Variants in SLC2A1 observed in about 807,000 individuals in gnomAD.
The protein encoded by SLC2A1 is solute carrier family 2, facilitated glucose transporter member 1.
SLC2A1 carries 4 observed loss-of-function variants against 46.6 expected under a neutral mutation model. The observed-to-expected ratio is 0.09, with a 90% CI of 0.04 to 0.20. SLC2A1 has a LOEUF of 0.20. Among genes scored for constraint, SLC2A1 ranks in the 10% least tolerant of loss-of-function variants. The pLI, the probability that SLC2A1 is intolerant of heterozygous loss-of-function variation, is 1.00. For missense variants in SLC2A1, 352 were observed against 667.0 expected (o/e 0.53, Z 5.20); for synonymous variants, 253 against 270.0 (o/e 0.94, Z 0.62).
intron 1 of SLC2A1, among the ~76,000 whole-genome samples, chr1:42,950,223 T>C (rs974932655): frequency 2.0e-5 from 3 of 152,260 alleles, no homozygotes; most frequent in African/African-American, 4.8e-5. Context: ...ACAGCCACAC[T>C]CATTTGTCTA....
In SLC2A1 at chr1:42,927,599, T is replaced by A. The variant is rs768317196; in HGVS notation, c.1278+6A>T. ...GGGTGAGTATAGAGACAGTGGGGGT[T>A]CTCACCTCCACATACTGGAAGCACA... On this transcript the variant is annotated splice_donor_region_variant and intron_variant, in intron 9 of 9. Transcript: ENST00000426263. This position sits in a 1 kb window ranked among gnomAD's most constrained non-coding sequence, Gnocchi z 5.3. The A allele has an allele frequency of 6.3e-7, 1 of 1,588,830 alleles. No individual in the cohort carries two copies. Among genetic ancestry groups the A allele is most frequent in the African/African-American group, 1.4e-5 (1 of 72,082 alleles).
intron 2 of SLC2A1, among the ~76,000 whole-genome samples, chr1:42,934,474 G>T (rs1643522506): frequency 6.6e-6 from 1 of 152,152 alleles, no homozygotes; most frequent in Non-Finnish European, 1.5e-5. Flanking sequence ...GCTGGTTCCG[G>T]TGCTCTGTGC....
intron 1 of SLC2A1, among the ~76,000 whole-genome samples, chr1:42,957,247 T>TA (rs1321270757): frequency 6.6e-6 from 1 of 152,214 alleles, no homozygotes; most frequent in African/African-American, 2.4e-5. Flanking sequence ...ATCCCACCCT[T>TA]ACGGCTCACC....
intron 2 of SLC2A1, among the ~76,000 whole-genome samples, chr1:42,933,527 C>T (rs1414762373): frequency 2.0e-5 from 3 of 152,178 alleles, no homozygotes; most frequent in Non-Finnish European, 4.4e-5. Flanking sequence ...AGGTGTTAGG[C>T]TCTCCTCTTA....
chr1:42,948,985 T>G (rs71654266), intron 1 of SLC2A1, among the ~76,000 whole-genome samples: 21,930 of 150,492 alleles, frequency 0.15, 1,791 homozygotes, highest in South Asian at 0.19. Flanking sequence ...GGAGAATGGC[T>G]TGAACCCAGG....
chr1:42,933,277 C>A (rs1371496187), intron 2 of SLC2A1, among the ~76,000 whole-genome samples: 1 of 152,220 alleles, frequency 6.6e-6, no homozygotes, highest in Non-Finnish European at 1.5e-5. Flanking sequence ...TCAATCCAAT[C>A]TCCCTACCTA....
chr1:42,938,303 G>C (rs572162925), intron 2 of SLC2A1, among the ~76,000 whole-genome samples: 2 of 152,200 alleles, frequency 1.3e-5, no homozygotes, highest in Non-Finnish European at 2.9e-5. Flanking sequence ...GGCAGGGGCA[G>C]TGTGCAGAGC....
At chr1:42,931,645 G>A (rs913617027) in intron 2 of SLC2A1, among the ~76,000 whole-genome samples, 1 of 151,858 alleles carries the variant, frequency 6.6e-6, no homozygotes, top group African/African-American at 2.4e-5. Flanking sequence ...GACCAACATG[G>A]TGAAACCCTA....
At chr1:42,947,877 T>A (rs1391062718) in intron 1 of SLC2A1, among the ~76,000 whole-genome samples, 1 of 152,106 alleles carries the variant, frequency 6.6e-6, no homozygotes, top group East Asian at 1.9e-4. Context: ...CCAGTGTTCA[T>A]CCTTAGCCAT....
At position 42,931,191 on chromosome 1, in the gene SLC2A1, A is replaced by G. The variant is rs375881934; in HGVS notation, c.130T>C (p.Tyr44His). 3 of 1,613,838 alleles carry G rather than the reference A, an allele frequency of 1.9e-6. No homozygotes were observed. The African/African-American group carries it at 4.0e-5, about 22-fold the overall frequency. The change falls in exon 3 of 10, where the codon TAC (tyrosine) becomes CAC (histidine). Residue 44 changes from tyrosine (Y) to histidine (H), a missense_variant. Physicochemically the swap from Tyr to His is moderately conservative, Grantham distance 83. This residue lies in a region of SLC2A1 where 97 missense variants were observed against 175.6 expected (regional missense o/e 0.55). Coordinates refer to ENST00000426263, the MANE Select transcript of SLC2A1 (RefSeq NM_006516.4). ...TAGCGGTGGACCCATGTCTGGTTGTAGAACTCCTCGATCACCTGCAGGGGG... is the reference window on the plus strand; with the variant it reads ...TAGCGGTGGACCCATGTCTGGTTGTGGAACTCCTCGATCACCTGCAGGGGG... ...NAPQKVIEEFYNQTWVHRYGE... is the reference protein window; with the variant it reads ...NAPQKVIEEFHNQTWVHRYGE...
chr1:42,940,172 C>T (rs1026656315), intron 2 of SLC2A1, among the ~76,000 whole-genome samples: 3 of 152,170 alleles, frequency 2.0e-5, no homozygotes, highest in Non-Finnish European at 4.4e-5. Context: ...CCTCTTTTCT[C>T]CCTCTCCCAC....
intron 1 of SLC2A1, among the ~76,000 whole-genome samples, chr1:42,945,318 T>A (rs1239352027): frequency 6.6e-6 from 1 of 152,086 alleles, no homozygotes; most frequent in Non-Finnish European, 1.5e-5. Context: ...CGCAGTGAGC[T>A]GTGATCACCC....
chr1:42,932,478 TC>T (rs758088802), intron 2 of SLC2A1, among the ~76,000 whole-genome samples: 17 of 152,164 alleles, frequency 1.1e-4, no homozygotes, highest in Non-Finnish European at 2.1e-4. Flanking sequence ...ATCTAAATAT[TC>T]CTGCTTTAGC....
intron 1 of SLC2A1, among the ~76,000 whole-genome samples, chr1:42,955,251 T>C (rs2124474738): frequency 6.6e-6 from 1 of 152,320 alleles, no homozygotes; most frequent in South Asian, 2.1e-4. Flanking sequence ...TCTGAATTCC[T>C]AGACACTGTA....
chr1:42,944,681 A>G (rs1019860755), intron 1 of SLC2A1, among the ~76,000 whole-genome samples: 9 of 152,234 alleles, frequency 5.9e-5, no homozygotes, highest in Admixed American at 5.9e-4. Context: ...AGAGGCTGCG[A>G]AAGAGGAAGA....
chr1:42,930,203 A>C lies in SLC2A1; in HGVS notation c.517-168T>G. On this transcript the variant is annotated intron_variant, in intron 4 of 9. Transcript: ENST00000426263. The surrounding 1 kb of genome is among the most constrained non-coding windows in gnomAD (Gnocchi z 6.2). ...CTGTTTCTCAGTTTCCTCATCGGTC[A>C]CATGGGAAAAGTAGGACCTACCCCA... The C allele has an allele frequency of 1.3e-6, 1 of 771,668 alleles. No homozygotes were observed. The highest frequency in any genetic ancestry group is 2.2e-6 in the Non-Finnish European group (1 of 460,420). The allele number at this position is 771,668 out of a possible 1,614,324, so 47.8% of individuals were successfully genotyped here.
At position 42,930,876 on chromosome 1, in the gene SLC2A1, G is replaced by A. The variant is rs746049837; in HGVS notation, c.276-10C>T. The A allele has an allele frequency of 1.2e-6, 2 of 1,601,326 alleles. No individual in the cohort carries two copies. The highest frequency in any genetic ancestry group is 1.7e-5 in the Admixed American group (1 of 60,006). On this transcript the variant is annotated splice_polypyrimidine_tract_variant and intron_variant, in intron 3 of 9. Transcript: ENST00000426263. This position sits in a 1 kb window ranked among gnomAD's most constrained non-coding sequence, Gnocchi z 6.2. ...CAGCATTGAATTCCGCCTGGGGACG[G>A]GGTCACAGGTCAGGCCAGTGCCCAC...
intron 2 of SLC2A1, chr1:42,942,870 T>C (rs1406076854): frequency 2.9e-6 from 1 of 349,406 alleles, no homozygotes; most frequent in Non-Finnish European, 5.6e-6. Context: ...GAAAACCCTC[T>C]GCAGCCCCAG....
At chr1:42,932,042 A>G (rs1368117118) in intron 2 of SLC2A1, among the ~76,000 whole-genome samples, 1 of 151,928 alleles carries the variant, frequency 6.6e-6, no homozygotes, top group Non-Finnish European at 1.5e-5. Context: ...GGTGTGACAA[A>G]CTCACACATG....
Sources: allele counts gnomAD v4.1 joint callset (sites outside exome capture counted in the v4.1 genomes callset), GRCh38; gene constraint gnomAD v4.1.1; regional missense constraint gnomAD v4.1.1; non-coding constraint Gnocchi (gnomAD v3.1); transcripts MANE v1.5; gene names NCBI Gene and HGNC (gene_info 2026-07-23, HGNC 2026-07-21).